Variants in MTA3 observed in about 807,000 individuals in gnomAD.
The protein encoded by MTA3 is metastasis associated 1 family member 3.
A neutral mutation model predicts 83.5 loss-of-function variants in MTA3; 34 were observed. That is an observed-to-expected ratio of 0.41 (90% CI 0.31 to 0.54). MTA3 has a LOEUF of 0.54. Among genes scored for constraint, MTA3 ranks in the 20% least tolerant of loss-of-function variants. MTA3 has a pLI of 0.33. For synonymous variants in MTA3, 303 were observed against 252.7 expected, an observed-to-expected ratio of 1.20 and a Z score of -1.89; for missense variants, 761 against 726.4, an observed-to-expected ratio of 1.05 and a Z score of -0.55.
At chr2:42,569,505 A>T (rs762158134) in intron 1 of MTA3, 1 of 152,188 alleles carries the variant, frequency 6.6e-6, no homozygotes, top group African/African-American at 2.4e-5. Context: ...TAATTCAGAT[A>T]AGTGGCGTGT....
intron 15 of MTA3, among the ~76,000 whole-genome samples, chr2:42,721,443 T>C (rs1445307803): frequency 6.6e-6 from 1 of 151,906 alleles, no homozygotes; most frequent in African/African-American, 2.4e-5. Flanking sequence ...TCCTCCCACT[T>C]AAGCCTCCTG....
chr2:42,570,315 T>G (rs992579537), intron 1 of MTA3, 122 bp from the exon 2 acceptor site: 2 of 541,408 alleles, frequency 3.7e-6, no homozygotes, highest in Non-Finnish European at 6.6e-6. Context: ...ATGTTTGCTT[T>G]TACCAGTGAA....
intron 2 of MTA3, among the ~76,000 whole-genome samples, chr2:42,572,844 C>G (rs940076344): frequency 6.6e-6 from 1 of 152,186 alleles, no homozygotes; most frequent in African/African-American, 2.4e-5. Context: ...TCTACTGTCT[C>G]ATCCTCCCAA....
At chr2:42,500,484 G>A (rs1035174088) in intron 2 of MTA3, among the ~76,000 whole-genome samples, 3 of 152,046 alleles carry the variant, frequency 2.0e-5, no homozygotes, top group Non-Finnish European at 4.4e-5. Flanking sequence ...CTTAAACCTG[G>A]GAGGTGGATG....
chr2:42,671,611 T>C (rs1027174424), intron 8 of MTA3, among the ~76,000 whole-genome samples: 1 of 152,228 alleles, frequency 6.6e-6, no homozygotes, highest in African/African-American at 2.4e-5. Context: ...CTGTAGCACA[T>C]ATCTTTTAGT....
rs377167768 is a variant in MTA3 at position 42,706,627 on chromosome 2, T to G, written c.1151-1276T>G. Among the ~76,000 whole-genome samples, 4 of 152,346 alleles carry G rather than the reference T, an allele frequency of 2.6e-5. No individual in the cohort carries two copies. The East Asian group carries it at 7.7e-4, about 29-fold the overall frequency. ...GGCAAACTTACAGAATTACAATTTTTTATGCACCCAATTAACTTATGTCTC... is the reference window on the plus strand; with the variant it reads ...GGCAAACTTACAGAATTACAATTTTGTATGCACCCAATTAACTTATGTCTC... On this transcript the variant is annotated intron_variant, in intron 12 of 16. Transcript: ENST00000405094.
At chr2:42,630,721 C>T (rs1686591911) in intron 4 of MTA3, among the ~76,000 whole-genome samples, 2 of 152,066 alleles carry the variant, frequency 1.3e-5, no homozygotes, top group Non-Finnish European at 2.9e-5. Flanking sequence ...GTGCCTAGGA[C>T]ATTTTAGTTG....
intron 3 of MTA3, among the ~76,000 whole-genome samples, chr2:42,593,675 G>A (rs1287776507): frequency 6.7e-6 from 1 of 148,220 alleles, no homozygotes; most frequent in African/African-American, 2.5e-5. Context: ...GAGGACTATG[G>A]CATCTATCTT....
intron 2 of MTA3, among the ~76,000 whole-genome samples, chr2:42,576,870 C>T (rs996269758): frequency 6.6e-6 from 1 of 152,030 alleles, no homozygotes; most frequent in African/African-American, 2.4e-5. Context: ...GCACTCCAGC[C>T]TGGGCAACAG....
At chr2:42,676,575 G>A (rs938540479) in intron 8 of MTA3, among the ~76,000 whole-genome samples, 1 of 152,122 alleles carries the variant, frequency 6.6e-6, no homozygotes, top group African/African-American at 2.4e-5. Flanking sequence ...AGACCAGCCC[G>A]GGCAACATGG....
At chr2:42,709,120 C>T (rs771419483) in intron 14 of MTA3, 24 bp downstream of exon 14, 81 of 1,561,448 alleles carry the variant, frequency 5.2e-5, no homozygotes, top group Non-Finnish European at 6.8e-5. Flanking sequence ...AAATTCTTAA[C>T]CTTATATGTT....
chr2:42,749,747 C>T (rs961096961), intron 16 of MTA3, among the ~76,000 whole-genome samples: 7 of 151,840 alleles, frequency 4.6e-5, no homozygotes, highest in African/African-American at 4.8e-5. Flanking sequence ...GGATTACAGG[C>T]GTGAGTCACC....
chr2:42,754,791 G>C lies in MTA3; in HGVS notation c.*1392G>C, dbSNP rs1250509366. 8 of 985,404 alleles carry C rather than the reference G, an allele frequency of 8.1e-6. No homozygotes were observed. The highest frequency in any genetic ancestry group is 7.0e-5 in the African/African-American group (4 of 57,252). 61.0% of individuals were successfully genotyped at this position (985,404 alleles called of 1,614,324 possible). A position where few individuals can be genotyped will look rare whatever the true frequency, so the allele number is the denominator to read the frequency against. On this transcript the variant is annotated 3_prime_UTR_variant, in exon 17 of 17. Coordinates refer to ENST00000405094, the MANE Select transcript of MTA3 (RefSeq NM_001330442.2). ...ATTGAATTGACACCCTGGGAAGCAC[G>C]AGGTAACTTGGTAAGGATAATGATG...
intron 2 of MTA3, among the ~76,000 whole-genome samples, chr2:42,533,994 G>C (rs563226538): frequency 6.6e-6 from 1 of 152,128 alleles, no homozygotes; most frequent in South Asian, 2.1e-4. Context: ...TTAGACTCTG[G>C]GCCCTAGCGA....
chr2:42,644,089 G>C (rs769441739), intron 5 of MTA3, 38 bp from the exon 6 acceptor site: 1 of 1,234,606 alleles, frequency 8.1e-7, no homozygotes, highest in Non-Finnish European at 1.2e-6. Context: ...GAAGTAGAAG[G>C]AATTAAGTAT....
chr2:42,517,531 C>A (rs1179280341), intron 2 of MTA3, among the ~76,000 whole-genome samples: 2 of 149,200 alleles, frequency 1.3e-5, no homozygotes, highest in Admixed American at 6.7e-5. Context: ...TGAGATCATG[C>A]CATTGCACTC....
intron 6 of MTA3, among the ~76,000 whole-genome samples, chr2:42,649,969 T>C (rs1274393699): frequency 6.6e-6 from 1 of 152,186 alleles, no homozygotes; most frequent in East Asian, 1.9e-4. Context: ...GATTGTTACT[T>C]TTTTTTGGAA....
At chr2:42,565,070 T>G (rs898422148), upstream of MTA3, among the ~76,000 whole-genome samples, 1 of 150,242 alleles carries the variant, frequency 6.7e-6, no homozygotes, top group African/African-American at 2.4e-5. Context: ...GCCACCGCGC[T>G]CAGCCAACCG....
intron 12 of MTA3, 114 bp downstream of exon 12, chr2:42,704,432 G>A: frequency 7.8e-7 from 1 of 1,278,106 alleles, no homozygotes; most frequent in Non-Finnish European, 1.1e-6. Flanking sequence ...GCACAAGCAT[G>A]TCTCCTCTAA....
Sources: gnomAD v4.1 joint callset for allele counts (sites outside exome capture counted in the v4.1 genomes callset) on GRCh38, gnomAD v4.1.1 for gene constraint, MANE v1.5 for transcripts, NCBI Gene and HGNC (gene_info 2026-07-23, HGNC 2026-07-21) for gene names.